The following IRAK3 variants were observed in gnomAD, a reference collection of about 807,000 sequenced individuals.
IRAK3 encodes interleukin-1 receptor-associated kinase 3.
Under a neutral mutation model 56.6 loss-of-function variants are expected in IRAK3, and 57 were observed. The ratio of observed to expected loss-of-function variants is 1.01; its 90% CI spans 0.81 to 1.26. The LOEUF (loss-of-function observed/expected upper bound fraction) is 1.26. IRAK3 is among the 50% of genes most tolerant of loss of function. The probability of loss-of-function intolerance (pLI) is 0.00; values close to 1 mark genes in which losing one functional copy is unlikely to be tolerated. For synonymous variants in IRAK3, 258 were observed against 255.7 expected, an observed-to-expected ratio of 1.01 and a Z score of -0.09; for missense variants, 703 against 719.0, an observed-to-expected ratio of 0.98 and a Z score of 0.25.
At chr12:66,208,481 C>A (rs542410664) in intron 2 of IRAK3, among the ~76,000 whole-genome samples, 1 of 152,284 alleles carries the variant, frequency 6.6e-6, no homozygotes, top group South Asian at 2.1e-4. Context: ...GATAATACAG[C>A]TGGGCGCTGT....
chr12:66,197,124 G>A, intron 1 of IRAK3: 2 of 1,295,412 alleles, frequency 1.5e-6, no homozygotes, highest in Non-Finnish European at 2.0e-6. Flanking sequence ...TGACTTTTTG[G>A]CTTATGTGAC....
intron 6 of IRAK3, among the ~76,000 whole-genome samples, chr12:66,220,719 A>C (rs1237005939): frequency 6.6e-6 from 1 of 150,794 alleles, no homozygotes; most frequent in African/African-American, 2.4e-5. Flanking sequence ...ACGGGGTTTC[A>C]CCGTTTTAGC....
chr12:66,208,484 G>C (rs1346715294), intron 2 of IRAK3, among the ~76,000 whole-genome samples: 1 of 152,152 alleles, frequency 6.6e-6, no homozygotes, highest in Non-Finnish European at 1.5e-5. Context: ...AATACAGCTG[G>C]GCGCTGTGGC....
At chr12:66,197,252 A>T in intron 1 of IRAK3, 10 of 1,187,044 alleles carry the variant, frequency 8.4e-6, no homozygotes, top group Non-Finnish European at 1.0e-5. Flanking sequence ...AACTTTATCA[A>T]CATAATTAGT....
rs143546082 is a variant in IRAK3, at chr12:66,227,671, G to A, written c.769-581G>A. 3.2e-4 allele frequency among the ~76,000 whole-genome samples: 49 copies of A among 151,668 alleles called. No homozygotes were observed. The South Asian group carries it at 5.2e-3, about 16-fold the overall frequency. ...CTACTTCAGAGGCGGAGGCAGGAGA[G>A]TTGCTTGAGCCCAGGGACATGGAGG... On this transcript the variant is annotated intron_variant, in intron 7 of 11. Coordinates refer to ENST00000261233, the MANE Select transcript of IRAK3 (RefSeq NM_007199.3).
chr12:66,222,309 T>C (rs901001846), intron 6 of IRAK3, among the ~76,000 whole-genome samples: 1 of 152,202 alleles, frequency 6.6e-6, no homozygotes, highest in Non-Finnish European at 1.5e-5. Flanking sequence ...TCCTGGACTT[T>C]TCTTCGTTGG....
At position 66,251,591 on chromosome 12, in the gene IRAK3, G is replaced by T. The variant is rs1357038668; in HGVS notation, c.*3420G>T. On this transcript the variant is annotated 3_prime_UTR_variant, in exon 12 of 12. Coordinates refer to ENST00000261233, the MANE Select transcript of IRAK3 (RefSeq NM_007199.3). ...AACATTTTGTTGTTTTTAAAAACAG[G>T]TATGGGATTTCTGATATAATCAATT... 6.6e-6 allele frequency: 1 copy of T among 152,140 alleles called. No individual in the cohort carries two copies. The highest frequency in any genetic ancestry group is 1.9e-4 in the East Asian group (1 of 5,194). 9.4% of individuals were successfully genotyped at this position (152,140 alleles called of 1,614,324 possible).
rs947290014 is a variant in IRAK3, at chr12:66,235,054, C to G, written c.887+6684C>G. The G allele has an allele frequency of 1.1e-5, 18 of 1,613,242 alleles. No homozygotes were observed. The African/African-American group carries it at 2.1e-4, about 19-fold the overall frequency. On this transcript the variant is annotated intron_variant, in intron 8 of 11. Transcript: ENST00000261233. ...CTATTTTCCCATATGGTTGACAGAG[C>G]TTCACCAGGTCCTGGTCGGTGGTGT... is the stretch of plus-strand genomic sequence containing the variant.
At chr12:66,220,040 C>G (rs768547485) in intron 6 of IRAK3, among the ~76,000 whole-genome samples, 2 of 152,076 alleles carry the variant, frequency 1.3e-5, no homozygotes, top group Non-Finnish European at 2.9e-5. Context: ...TGTGCAGAAG[C>G]TTTTTAGTTT....
intron 8 of IRAK3, among the ~76,000 whole-genome samples, chr12:66,239,842 A>G (rs2052946788): frequency 6.6e-6 from 1 of 152,210 alleles, no homozygotes. Flanking sequence ...ACTTATATAC[A>G]TAGATACATA....
At chr12:66,214,383 A>T (rs550483154) in intron 5 of IRAK3, among the ~76,000 whole-genome samples, 32 of 149,444 alleles carry the variant, frequency 2.1e-4, no homozygotes, top group African/African-American at 5.9e-4. Flanking sequence ...AAAAAAAATT[A>T]AAAAAAAAAT....
chr12:66,247,583 C>A, intron 11 of IRAK3, 112 bp from the exon 12 acceptor site: 1 of 747,506 alleles, frequency 1.3e-6, no homozygotes, highest in Non-Finnish European at 2.3e-6. Context: ...AATTCTATAG[C>A]TGAACTAATT....
In IRAK3 at chr12:66,252,196, A is replaced by G. The variant is rs1203255654; in HGVS notation, c.*4025A>G. On this transcript the variant is annotated 3_prime_UTR_variant, in exon 12 of 12. Coordinates refer to ENST00000261233, the MANE Select transcript of IRAK3 (RefSeq NM_007199.3). ...GAGTCACCCTGAAGGTGTGGATCCC[A>G]TCTTATAATAAGGTGAGGACACTGA... is the stretch of plus-strand genomic sequence containing the variant. 1 of 151,920 alleles carries G rather than the reference A, an allele frequency of 6.6e-6. No homozygotes were observed. Among genetic ancestry groups the G allele is most frequent in the Non-Finnish European group, 1.5e-5 (1 of 67,958 alleles). The allele number at this position is 151,920 out of a possible 1,614,324, so 9.4% of individuals were successfully genotyped here.
chr12:66,234,561 G>T (rs2052882170), intron 8 of IRAK3: 1 of 1,611,838 alleles, frequency 6.2e-7, no homozygotes, highest in African/African-American at 1.3e-5. Flanking sequence ...CCTTCTCTAT[G>T]CCATGGTCTT....
rs1448144826 is a variant in IRAK3, at chr12:66,253,193, T to C, written c.*5022T>C. Reference sequence around the variant, plus strand: ...AGATTGCACCCGAAGTTTATCTTTCTAGTATTCAGAATATAATCAATCATT... The same window carrying C: ...AGATTGCACCCGAAGTTTATCTTTCCAGTATTCAGAATATAATCAATCATT... On this transcript the variant is annotated 3_prime_UTR_variant, in exon 12 of 12. Coordinates refer to ENST00000261233, the MANE Select transcript of IRAK3 (RefSeq NM_007199.3). The C allele has an allele frequency of 1.3e-5, 2 of 152,244 alleles. No homozygotes were observed. The highest frequency in any genetic ancestry group is 2.9e-5 in the Non-Finnish European group (2 of 68,040). The allele number at this position is 152,244 out of a possible 1,614,324, so 9.4% of individuals were successfully genotyped here.
intron 8 of IRAK3, among the ~76,000 whole-genome samples, chr12:66,236,498 G>T (rs1282543713): frequency 6.6e-6 from 1 of 151,992 alleles, no homozygotes; most frequent in African/African-American, 2.4e-5. Flanking sequence ...AACCCAGGAG[G>T]TGGAGGTTGT....
Position 66,252,165 on chromosome 12 carries a change from C to T in IRAK3, c.*3994C>T, listed in dbSNP as rs574201684. On this transcript the variant is annotated 3_prime_UTR_variant, in exon 12 of 12. Coordinates refer to ENST00000261233, the MANE Select transcript of IRAK3 (RefSeq NM_007199.3). ...GCTTTGCATGTTTTTTTCTGGTTAACCCTTAGAGTCACCCTGAAGGTGTGG... is the reference window on the plus strand; with the variant it reads ...GCTTTGCATGTTTTTTTCTGGTTAATCCTTAGAGTCACCCTGAAGGTGTGG... 6.6e-6 allele frequency: 1 copy of T among 152,060 alleles called. No homozygotes were observed. Among genetic ancestry groups the T allele is most frequent in the African/African-American group, 2.4e-5 (1 of 41,394 alleles). The allele number at this position is 152,060 out of a possible 1,614,324, so 9.4% of individuals were successfully genotyped here.
In IRAK3 at chr12:66,196,899, T is replaced by G. The variant is rs971604032; in HGVS notation, c.134-6812T>G. 1.4e-5 allele frequency: 21 copies of G among 1,524,396 alleles called. No homozygotes were observed. The Middle Eastern group carries it at 6.7e-4, about 49-fold the overall frequency. The allele number at this position is 1,524,396 out of a possible 1,614,324, so 94.4% of individuals were successfully genotyped here. On this transcript the variant is annotated intron_variant, in intron 1 of 11. Coordinates refer to ENST00000261233, the MANE Select transcript of IRAK3 (RefSeq NM_007199.3). ...TTACAGTGTCTAAAAACAAGCTTTG[T>G]GAGAATGGAGTCTTAATTTTGCAGG...
chr12:66,206,891 A>C (rs2052563473), intron 2 of IRAK3, among the ~76,000 whole-genome samples: 1 of 152,136 alleles, frequency 6.6e-6, no homozygotes, highest in East Asian at 1.9e-4. Context: ...TCTTGTTATG[A>C]GTCCATGTAT....
Sources: gnomAD v4.1 joint callset for allele counts (sites outside exome capture counted in the v4.1 genomes callset) on GRCh38, gnomAD v4.1.1 for gene constraint, MANE v1.5 for transcripts, NCBI Gene and HGNC (gene_info 2026-07-23, HGNC 2026-07-21) for gene names.